Variants in RPTOR observed in about 807,000 individuals in gnomAD.
The protein encoded by RPTOR is regulatory-associated protein of mTOR.
A neutral mutation model predicts 169.9 loss-of-function variants in RPTOR; 21 were observed. That is an observed-to-expected ratio of 0.12 (90% CI 0.09 to 0.18). The LOEUF is 0.18. Ranked by LOEUF, RPTOR falls within the 10% of genes least tolerant of loss-of-function variation. RPTOR has a pLI of 1.00. For synonymous variants in RPTOR, 732 were observed against 753.2 expected (o/e 0.97, Z 0.46); for missense variants, 1,133 against 1,855.9 (o/e 0.61, Z 7.16).
intron 1 of RPTOR, among the ~76,000 whole-genome samples, chr17:80,551,566 T>G (rs2143210962): frequency 6.6e-6 from 1 of 152,376 alleles, no homozygotes; most frequent in East Asian, 1.9e-4. Flanking sequence ...AAAGCAGTAT[T>G]GCTGCCCGCA....
chr17:80,869,073 C>T (rs552260042), intron 13 of RPTOR, among the ~76,000 whole-genome samples: 42 of 152,306 alleles, frequency 2.8e-4, no homozygotes, highest in African/African-American at 8.7e-4. Context: ...ATTTATATGT[C>T]GCTTATACAT....
In RPTOR at chr17:80,919,927, T is replaced by A. The variant is rs7220347; in HGVS notation, c.2521-2797T>A. On this transcript the variant is annotated intron_variant, in intron 21 of 33. Coordinates refer to ENST00000306801, the MANE Select transcript of RPTOR (RefSeq NM_020761.3). ...CGAGTGAGCCGGGGCTCTGGGGGTG[T>A]ACATGCTGAGAAGGGCGCCGTGTCC... Among the ~76,000 whole-genome samples, 276 of 152,294 alleles carry A rather than the reference T, an allele frequency of 1.8e-3. 2 individuals are homozygous for A. Among genetic ancestry groups the A allele is most frequent in the African/African-American group, 6.3e-3 (263 of 41,564 alleles).
At chr17:80,717,654 A>G (rs1445226953) in intron 4 of RPTOR, among the ~76,000 whole-genome samples, 1 of 151,980 alleles carries the variant, frequency 6.6e-6, no homozygotes, top group Non-Finnish European at 1.5e-5. Context: ...AGCCTGCAGC[A>G]TTACAGATGA....
intron 1 of RPTOR, among the ~76,000 whole-genome samples, chr17:80,614,620 A>G (rs1424027596): frequency 6.6e-6 from 1 of 152,250 alleles, no homozygotes; most frequent in Non-Finnish European, 1.5e-5. Flanking sequence ...TGTTAAAGAA[A>G]AAATATTTCG....
At chr17:80,634,292 ACT>A (rs2065470243) in intron 2 of RPTOR, among the ~76,000 whole-genome samples, 1 of 117,118 alleles carries the variant, frequency 8.5e-6, no homozygotes, top group African/African-American at 3.6e-5. Context: ...GTGTGTGCGT[ACT>A]GTGTGTGTGC....
At chr17:80,640,917 A>C (rs1440631072) in intron 2 of RPTOR, among the ~76,000 whole-genome samples, 1 of 152,260 alleles carries the variant, frequency 6.6e-6, no homozygotes, top group African/African-American at 2.4e-5. Context: ...GGCCGCGACC[A>C]TGCTGGTTGC....
Position 80,957,753 on chromosome 17 carries a change from A to G in RPTOR, c.3477+23A>G, listed in dbSNP as rs747170127. 1 of 1,604,766 alleles carries G rather than the reference A, an allele frequency of 6.2e-7. No individual in the cohort carries two copies. The highest frequency in any genetic ancestry group is 1.3e-5 in the African/African-American group (1 of 74,722). Reference sequence around the variant, plus strand: ...CAGGTAACCATGCAGGTGTCCCCCAAGCCCTGGGCCTGTGGGGCAGTGTGT... The same window carrying G: ...CAGGTAACCATGCAGGTGTCCCCCAGGCCCTGGGCCTGTGGGGCAGTGTGT... On this transcript the variant is annotated intron_variant, in intron 29 of 33. Coordinates refer to ENST00000306801, the MANE Select transcript of RPTOR (RefSeq NM_020761.3). This position sits in a 1 kb window ranked among gnomAD's most constrained non-coding sequence, Gnocchi z 4.6.
chr17:80,797,128 GT>G (rs756107494), intron 7 of RPTOR, among the ~76,000 whole-genome samples: 31 of 152,196 alleles, frequency 2.0e-4, no homozygotes, highest in Admixed American at 3.3e-4. Flanking sequence ...TTGGTTGTGT[GT>G]TTTTTGTTGT....
chr17:80,613,079 C>T (rs536975188), intron 1 of RPTOR, among the ~76,000 whole-genome samples: 25 of 152,300 alleles, frequency 1.6e-4, no homozygotes, highest in Non-Finnish European at 3.2e-4. Flanking sequence ...CCCCCCTGCC[C>T]TGGTGTGATG....
At chr17:80,599,749 G>C (rs1019119322) in intron 1 of RPTOR, among the ~76,000 whole-genome samples, 6 of 152,236 alleles carry the variant, frequency 3.9e-5, no homozygotes, top group Non-Finnish European at 8.8e-5. Context: ...GCCTACCCCG[G>C]AAGGAAAGGA....
Position 80,957,506 on chromosome 17 carries a change from T to A in RPTOR, c.3371-118T>A. On this transcript the variant is annotated intron_variant, in intron 28 of 33. Coordinates refer to ENST00000306801, the MANE Select transcript of RPTOR (RefSeq NM_020761.3). The surrounding 1 kb of genome is among the most constrained non-coding windows in gnomAD (Gnocchi z 4.6). ...AGGCATATGGACCCACCAGATGGGC[T>A]CGATGGTGGCAGGGGTACCTTGTAG... 1 of 888,268 alleles carries A rather than the reference T, an allele frequency of 1.1e-6. No individual in the cohort carries two copies. Among genetic ancestry groups the A allele is most frequent in the Non-Finnish European group, 1.9e-6 (1 of 534,214 alleles). 55.0% of individuals were successfully genotyped at this position (888,268 alleles called of 1,614,324 possible). A position where few individuals can be genotyped will look rare whatever the true frequency, so the allele number is the denominator to read the frequency against.
chr17:80,746,426 C>T lies in RPTOR; in HGVS notation c.655-7584C>T, dbSNP rs1413853565. 6.6e-6 allele frequency among the ~76,000 whole-genome samples: 1 copy of T among 152,350 alleles called. No individual in the cohort carries two copies. The highest frequency in any genetic ancestry group is 1.9e-4 in the East Asian group (1 of 5,180). ...CTGCCCGCTTACCTCATGAACTGCG[C>T]GTGCACTGACTCCACATTACCCACA... On this transcript the variant is annotated intron_variant, in intron 5 of 33. Coordinates refer to ENST00000306801, the MANE Select transcript of RPTOR (RefSeq NM_020761.3). The surrounding 1 kb of genome is among the most constrained non-coding windows in gnomAD (Gnocchi z 4.5).
chr17:80,955,920 G>A lies in RPTOR; in HGVS notation c.3371-1704G>A, dbSNP rs563591374. Among the ~76,000 whole-genome samples, 358 of 152,326 alleles carry A rather than the reference G, an allele frequency of 2.4e-3. 1 individual carries two copies. Among genetic ancestry groups the A allele is most frequent in the African/African-American group, 7.5e-3 (312 of 41,572 alleles). ...CAAAGCCAGGGGCAGCTCAAATGAC[G>A]GGGTTAGTTGTACAGTGGAAGGTAA... On this transcript the variant is annotated intron_variant, in intron 28 of 33. Transcript: ENST00000306801.
intron 7 of RPTOR, among the ~76,000 whole-genome samples, chr17:80,818,116 A>C (rs1432669265): frequency 6.6e-6 from 1 of 152,142 alleles, no homozygotes; most frequent in African/African-American, 2.4e-5. Flanking sequence ...CTGTTGTTGG[A>C]GTGTCATCTG....
intron 2 of RPTOR, among the ~76,000 whole-genome samples, chr17:80,634,761 GTAC>G: frequency 8.4e-6 from 1 of 118,790 alleles, no homozygotes; most frequent in Admixed American, 8.5e-5. Flanking sequence ...GTGTGTGTGC[GTAC>G]TGTGCGTGTG....
chr17:80,788,995 A>G (rs1317982579), intron 6 of RPTOR, among the ~76,000 whole-genome samples: 3 of 152,278 alleles, frequency 2.0e-5, no homozygotes, highest in African/African-American at 7.2e-5. Context: ...TTTGCATACT[A>G]TCAGTGACTG....
chr17:80,685,615 A>ATATGTG (rs2065934954), intron 3 of RPTOR, among the ~76,000 whole-genome samples: 1 of 11,348 alleles, frequency 8.8e-5, no homozygotes, highest in African/African-American at 2.8e-4. Flanking sequence ...ATATATATAT[A>ATATGTG]TATATATATA....
Position 80,962,964 on chromosome 17 carries a change from C to T in RPTOR, c.3846C>T (p.Ser1282=), listed in dbSNP as rs1429181391. The change falls in exon 33 of 34, where the codon AGC becomes AGT. Residue 1282 remains serine (S), a synonymous_variant. Coordinates refer to ENST00000306801, the MANE Select transcript of RPTOR (RefSeq NM_020761.3). ...ATCAGTTCACCGCCATCTACAACAG[C>T]AGCGGAGAGCTCATCAACAACATCA... The part of the protein sequence containing the change: ...SVNQFTAIYN[S]SGELINNIKY... The T allele has an allele frequency of 6.2e-7, 1 of 1,613,668 alleles. No homozygotes were observed. Among genetic ancestry groups the T allele is most frequent in the Non-Finnish European group, 8.5e-7 (1 of 1,179,942 alleles).
chr17:80,707,811 T>C lies in RPTOR; in HGVS notation c.349-30T>C. The C allele has an allele frequency of 6.2e-7, 1 of 1,602,644 alleles. No individual in the cohort carries two copies. The highest frequency in any genetic ancestry group is 2.2e-5 in the East Asian group (1 of 44,674). On this transcript the variant is annotated intron_variant, in intron 3 of 33. Coordinates refer to ENST00000306801, the MANE Select transcript of RPTOR (RefSeq NM_020761.3). The surrounding 1 kb of genome is among the most constrained non-coding windows in gnomAD (Gnocchi z 5.0). ...TCCAAGCATTCCCTGGAGTCCGTGGTAAATTTCTTCATTTCTTCTCCTGCA... is the reference window on the plus strand; with the variant it reads ...TCCAAGCATTCCCTGGAGTCCGTGGCAAATTTCTTCATTTCTTCTCCTGCA...
Sources: gnomAD v4.1 joint callset for allele counts (sites outside exome capture counted in the v4.1 genomes callset) on GRCh38, gnomAD v4.1.1 for gene constraint, Gnocchi (gnomAD v3.1) non-coding constraint, MANE v1.5 for transcripts, NCBI Gene and HGNC (gene_info 2026-07-23, HGNC 2026-07-21) for gene names.